Variants in ART1 observed in about 807,000 individuals in gnomAD.
ART1 encodes GPI-linked NAD(P)(+)--arginine ADP-ribosyltransferase 1.
ART1 carries 29 observed loss-of-function variants against 27.0 expected under a neutral mutation model. The ratio of observed to expected loss-of-function variants is 1.08; its 90% CI spans 0.80 to 1.47. ART1 has a LOEUF of 1.47. ART1 is among the 40% of genes most tolerant of loss of function. The probability of loss-of-function intolerance (pLI) is 0.00; values close to 1 mark genes in which losing one functional copy is unlikely to be tolerated. For synonymous variants in ART1, 201 were observed against 172.2 expected, an observed-to-expected ratio of 1.17 and a Z score of -1.31; for missense variants, 480 against 423.0, an observed-to-expected ratio of 1.13 and a Z score of -1.18.
chr11:3,659,930 G>A lies in ART1; in HGVS notation c.411G>A (p.Glu137=), dbSNP rs1220558082. 4.3e-6 allele frequency: 7 copies of A among 1,613,354 alleles called. No homozygotes were observed. The highest frequency in any genetic ancestry group is 5.9e-6 in the Non-Finnish European group (7 of 1,179,798). ...LHKEFNAAVR[E]AGRSRAHYLH... ...AGGAGTTCAATGCAGCCGTGCGTGA[G>A]GCGGGCCGCTCCCGGGCCCACTACC... The change falls in exon 3 of 5, where the codon GAG becomes GAA. Residue 137 remains glutamate, a synonymous_variant. Coordinates refer to ENST00000250693, the MANE Select transcript of ART1 (RefSeq NM_004314.3).
chr11:3,661,324 T>A, intron 3 of ART1, 48 bp from the exon 4 acceptor site: 1 of 1,578,860 alleles, frequency 6.3e-7, no homozygotes. Context: ...TCCCTTTCCA[T>A]CCTGACAGCT....
At chr11:3,662,843 TCAAAA>T (rs2077629713) in intron 4 of ART1, among the ~76,000 whole-genome samples, 5 of 151,986 alleles carry the variant, frequency 3.3e-5, no homozygotes, top group South Asian at 2.1e-4. Flanking sequence ...AAACTCTGTC[TCAAAA>T]CAAAACAAAA....
intron 1 of ART1, among the ~76,000 whole-genome samples, chr11:3,650,217 G>A (rs973442440): frequency 1.2e-4 from 18 of 152,158 alleles, no homozygotes; most frequent in South Asian, 2.1e-4. Flanking sequence ...TACAAGTGCC[G>A]GAAATCTGGC....
intron 1 of ART1, among the ~76,000 whole-genome samples, chr11:3,646,854 C>A (rs1337390694): frequency 1.3e-5 from 2 of 152,186 alleles, no homozygotes. Flanking sequence ...TGAGCACCTG[C>A]TTTGTACTGG....
Position 3,659,148 on chromosome 11 carries a change from C to G in ART1, c.-52-14C>G. On this transcript the variant is annotated splice_polypyrimidine_tract_variant and intron_variant, in intron 1 of 4. Coordinates refer to ENST00000250693, the MANE Select transcript of ART1 (RefSeq NM_004314.3). ...GTTTATTAAACTATACAGATTAACA[C>G]TGCAATTTTCCAGATGAGGAAACTG... The G allele has an allele frequency of 2.0e-6, 3 of 1,478,088 alleles. No homozygotes were observed. Among genetic ancestry groups the G allele is most frequent in the Middle Eastern group, 1.7e-4 (1 of 5,804 alleles). 91.6% of individuals were successfully genotyped at this position (1,478,088 alleles called of 1,614,324 possible).
At chr11:3,646,735 AT>A (rs2077471888) in intron 1 of ART1, among the ~76,000 whole-genome samples, 1 of 152,208 alleles carries the variant, frequency 6.6e-6, no homozygotes, top group African/African-American at 2.4e-5. Flanking sequence ...TGTCTCCTTG[AT>A]TGTCCATTCT....
At chr11:3,658,868 C>T (rs569254202) in intron 1 of ART1, among the ~76,000 whole-genome samples, 11 of 152,294 alleles carry the variant, frequency 7.2e-5, no homozygotes, top group African/African-American at 1.9e-4. Context: ...TTCCCACCTC[C>T]AATACCTTTG....
intron 1 of ART1, 115 bp downstream of exon 1, chr11:3,645,294 CTT>C (rs928678335): frequency 5.9e-5 from 9 of 152,024 alleles, no homozygotes; most frequent in African/African-American, 2.2e-4. Context: ...TTCCAGGAAA[CTT>C]TGATGAAGTT....
At chr11:3,653,862 A>G (rs76106087) in intron 1 of ART1, among the ~76,000 whole-genome samples, 854 of 20,110 alleles carry the variant, frequency 0.042, 25 homozygotes, top group South Asian at 0.14. Flanking sequence ...ACCTCTGTCT[A>G]TCCTCACTGC....
Position 3,659,983 on chromosome 11 carries a change from A to G in ART1, c.464A>G (p.His155Arg). 1.2e-6 allele frequency: 2 copies of G among 1,613,972 alleles called. No individual in the cohort carries two copies. The highest frequency in any genetic ancestry group is 1.7e-6 in the Non-Finnish European group (2 of 1,179,960). The change falls in exon 3 of 5, where the codon CAT becomes CGT. Residue 155 changes from histidine (H) to arginine (R), a missense_variant. Coordinates refer to ENST00000250693, the MANE Select transcript of ART1 (RefSeq NM_004314.3). ...YLHHFSFKTLHFLLTEALQLL... is the reference protein window; with the variant it reads ...YLHHFSFKTLRFLLTEALQLL... ...CACCACTTCTCCTTCAAGACACTCC[A>G]TTTCCTGCTGACTGAGGCCCTGCAG...
chr11:3,647,275 T>C (rs2077475811), intron 1 of ART1, among the ~76,000 whole-genome samples: 1 of 151,276 alleles, frequency 6.6e-6, no homozygotes, highest in South Asian at 2.1e-4. Context: ...TGAGTCGAGA[T>C]TGCACCATTG....
Position 3,659,819 on chromosome 11 carries a change from C to T in ART1, c.300C>T (p.Pro100=), listed in dbSNP as rs1424183052. 6.2e-7 allele frequency: 1 copy of T among 1,612,208 alleles called. No homozygotes were observed. The highest frequency in any genetic ancestry group is 8.5e-7 in the Non-Finnish European group (1 of 1,179,518). The change falls in exon 3 of 5, where the codon CCC becomes CCT. Residue 100 remains proline, a synonymous_variant. Transcript: ENST00000250693. The part of the protein sequence containing the change: ...QARWPEWSLS[P]TRPSPPPLGF... ...GGTGGCCAGAGTGGAGTCTCAGCCC[C>T]ACCCGTCCATCCCCGCCACCCCTGG...
In ART1 at chr11:3,660,191, C is replaced by T; in HGVS notation, c.672C>T (p.Cys224=). ...ACACCTTCTTCGGCATCTGGACCTG[C>T]CTTGGGGCCCCTATCAAGGGCTACT... ...GEDTFFGIWT[C]LGAPIKGYSF... The change falls in exon 3 of 5, where the codon TGC becomes TGT. Residue 224 remains cysteine (C), a synonymous_variant. Coordinates refer to ENST00000250693, the MANE Select transcript of ART1 (RefSeq NM_004314.3). 1 of 1,614,068 alleles carries T rather than the reference C, an allele frequency of 6.2e-7. No individual in the cohort carries two copies. Among genetic ancestry groups the T allele is most frequent in the South Asian group, 1.1e-5 (1 of 91,088 alleles).
At chr11:3,655,224 C>G (rs1352535664) in intron 1 of ART1, among the ~76,000 whole-genome samples, 1 of 152,182 alleles carries the variant, frequency 6.6e-6, no homozygotes, top group East Asian at 1.9e-4. Context: ...AAAAGACTCT[C>G]AGTTTCCTTC....
intron 1 of ART1, among the ~76,000 whole-genome samples, chr11:3,648,940 C>T (rs901876555): frequency 6.7e-6 from 1 of 148,814 alleles, no homozygotes; most frequent in African/African-American, 2.5e-5. Context: ...TTCCACACCC[C>T]AACCTCTTAC....
At chr11:3,658,334 G>GAA (rs565452996) in intron 1 of ART1, among the ~76,000 whole-genome samples, 11 of 128,442 alleles carry the variant, frequency 8.6e-5, no homozygotes, top group African/African-American at 2.6e-4. Context: ...CTTGGTCTCG[G>GAA]AAAAAAAAAA....
chr11:3,658,434 C>A (rs2077591025), intron 1 of ART1, among the ~76,000 whole-genome samples: 1 of 152,094 alleles, frequency 6.6e-6, no homozygotes, highest in South Asian at 2.1e-4. Flanking sequence ...ACTTCGGGCA[C>A]TCCGCCTGTC....
chr11:3,663,978 C>T (rs771262420), intron 4 of ART1, 114 bp from the exon 5 acceptor site: 3 of 933,906 alleles, frequency 3.2e-6, no homozygotes, highest in Non-Finnish European at 3.3e-6. Flanking sequence ...GTCCAGCTCA[C>T]TCTGCCAATC....
rs113817011 is a variant in ART1 at position 3,660,090 on chromosome 11, C to A, written c.571C>A (p.Pro191Thr). Residue 191 changes from proline (P) to threonine (T), a missense_variant, in exon 3 of 5, where the codon CCC (proline) becomes ACC (threonine). Coordinates refer to ENST00000250693, the MANE Select transcript of ART1 (RefSeq NM_004314.3). ...VHGLRFRPAG[P>T]RATVRLGGFA... ...CGGCCTGCGCTTCCGGCCAGCAGGG[C>A]CCCGGGCCACCGTGAGGCTGGGGGG... 18 of 1,613,694 alleles carry A rather than the reference C, an allele frequency of 1.1e-5. No individual in the cohort carries two copies. Among genetic ancestry groups the A allele is most frequent in the African/African-American group, 6.7e-5 (5 of 75,046 alleles).
Sources: allele counts gnomAD v4.1 joint callset (sites outside exome capture counted in the v4.1 genomes callset), GRCh38; gene constraint gnomAD v4.1.1; transcripts MANE v1.5; gene names NCBI Gene and HGNC (gene_info 2026-07-23, HGNC 2026-07-21).